MELK: variants seen among roughly 807,000 people sequenced by gnomAD.
MELK encodes pEg3 kinase.
MELK carries 81 observed loss-of-function variants against 85.0 expected under a neutral mutation model. That is an observed-to-expected ratio of 0.95 (90% CI 0.80 to 1.15). The LOEUF is 1.15. Among genes scored for constraint, MELK ranks in the 50% most tolerant of loss-of-function variants. The pLI, the probability that MELK is intolerant of heterozygous loss-of-function variation, is 0.00. For synonymous variants in MELK, 252 were observed against 265.0 expected (o/e 0.95, Z 0.48); for missense variants, 754 against 777.5 (o/e 0.97, Z 0.36).
chr9:36,668,856 G>T (rs1832630781), intron 14 of MELK, among the ~76,000 whole-genome samples: 2 of 151,928 alleles, frequency 1.3e-5, no homozygotes, highest in African/African-American at 4.8e-5. Context: ...CTTTCACAGG[G>T]GTCTGTTCTT....
At chr9:36,627,583 A>G (rs1051574994) in intron 8 of MELK, among the ~76,000 whole-genome samples, 22 of 147,888 alleles carry the variant, frequency 1.5e-4, no homozygotes, top group Non-Finnish European at 3.3e-4. Context: ...CTGGAGTGCA[A>G]TGGCGCGATC....
intron 10 of MELK, among the ~76,000 whole-genome samples, chr9:36,635,014 G>A (rs890272237): frequency 1.3e-5 from 2 of 152,066 alleles, no homozygotes; most frequent in African/African-American, 2.4e-5. Flanking sequence ...GCTTTTCCTC[G>A]AGACAGCTAT....
chr9:36,633,275 A>T (rs1438724070), intron 10 of MELK, 75 bp downstream of exon 10: 2 of 994,562 alleles, frequency 2.0e-6, no homozygotes, highest in African/African-American at 1.6e-5. Flanking sequence ...ACCTACAATG[A>T]TGTGGTCTAA....
At chr9:36,647,151 G>A (rs1457496694) in intron 11 of MELK, among the ~76,000 whole-genome samples, 1 of 152,190 alleles carries the variant, frequency 6.6e-6, no homozygotes, top group Non-Finnish European at 1.5e-5. Flanking sequence ...GGGAAAAGGA[G>A]GGTTTAGAGG....
At chr9:36,636,790 G>GTCTGTCTGTCTGTCTGTCTGTCTGTCTT (rs1475022442) in intron 10 of MELK, among the ~76,000 whole-genome samples, 34 of 67,618 alleles carry the variant, frequency 5.0e-4, no homozygotes, top group Admixed American at 1.1e-3. Flanking sequence ...CTTTCTGTCT[G>GTCTGTCTGTCTGTCTGTCTGTCTGTCTT]TCTTTCTTTC....
chr9:36,626,759 A>G (rs988964922), intron 8 of MELK, among the ~76,000 whole-genome samples: 2 of 151,970 alleles, frequency 1.3e-5, no homozygotes, highest in Non-Finnish European at 2.9e-5. Flanking sequence ...GTAGTTCGAG[A>G]TCAGCCTGAC....
chr9:36,662,373 A>G (rs1314882612), intron 13 of MELK, among the ~76,000 whole-genome samples: 1 of 151,652 alleles, frequency 6.6e-6, no homozygotes, highest in African/African-American at 2.4e-5. Flanking sequence ...CCTCCCAAGT[A>G]GCCGGGTTTA....
chr9:36,663,803 G>A (rs1202072757), intron 13 of MELK, among the ~76,000 whole-genome samples: 1 of 152,092 alleles, frequency 6.6e-6, no homozygotes, highest in Non-Finnish European at 1.5e-5. Flanking sequence ...ATGGACACTT[G>A]GGTTGATTTT....
intron 13 of MELK, among the ~76,000 whole-genome samples, chr9:36,663,269 CAG>C (rs898167629): frequency 1.3e-5 from 2 of 151,976 alleles, no homozygotes; most frequent in Non-Finnish European, 2.9e-5. Context: ...TTAGTAGAGA[CAG>C]AGTTTCACCA....
intron 10 of MELK, among the ~76,000 whole-genome samples, chr9:36,641,636 T>A (rs1209341383): frequency 6.7e-6 from 1 of 149,018 alleles, no homozygotes; most frequent in Admixed American, 6.7e-5. Context: ...AGATGGAGTT[T>A]CACTGTTGTT....
intron 11 of MELK, among the ~76,000 whole-genome samples, chr9:36,645,125 G>T (rs1395301911): frequency 6.6e-6 from 1 of 151,880 alleles, no homozygotes; most frequent in Admixed American, 6.6e-5. Flanking sequence ...GGGCGTGGTG[G>T]CACGTGCCTG....
intron 6 of MELK, 94 bp from the exon 7 acceptor site, chr9:36,599,300 C>CA (rs34715003): frequency 0.038 from 14,444 of 376,634 alleles, 177 homozygotes; most frequent in African/African-American, 0.083. Flanking sequence ...GACTCCGTCT[C>CA]AAAAAAAAAA....
At chr9:36,619,068 C>T (rs765494348) in intron 8 of MELK, among the ~76,000 whole-genome samples, 3 of 151,734 alleles carry the variant, frequency 2.0e-5, no homozygotes, top group Non-Finnish European at 4.4e-5. Flanking sequence ...AAGCAATTCT[C>T]CTGCCTCAGC....
At chr9:36,574,853 T>C (rs1266706638) in intron 1 of MELK, among the ~76,000 whole-genome samples, 4 of 151,998 alleles carry the variant, frequency 2.6e-5, no homozygotes, top group Non-Finnish European at 5.9e-5. Flanking sequence ...ACCCCAATTA[T>C]AGGCCGGGCG....
At chr9:36,670,368 G>A (rs1378557006) in intron 15 of MELK, among the ~76,000 whole-genome samples, 6 of 151,976 alleles carry the variant, frequency 3.9e-5, no homozygotes, top group African/African-American at 1.2e-4. Context: ...CTAATAAACA[G>A]CCATATGTAA....
rs937119174 is a variant in MELK at position 36,627,621 on chromosome 9, G to C, written c.667-2678G>C. Among the ~76,000 whole-genome samples, 4 of 148,910 alleles carry C rather than the reference G, an allele frequency of 2.7e-5. No homozygotes were observed. The Admixed American group carries it at 2.7e-4, about 10-fold the overall frequency. On this transcript the variant is annotated intron_variant, in intron 8 of 17. Coordinates refer to ENST00000298048, the MANE Select transcript of MELK (RefSeq NM_014791.4). Reference sequence around the variant, plus strand: ...GGCTCACTGCAACCTCTGCCTCTCTGGTTCCAGTGATTCTCCTGCCTCAGC... The same window carrying C: ...GGCTCACTGCAACCTCTGCCTCTCTCGTTCCAGTGATTCTCCTGCCTCAGC...
Position 36,657,293 on chromosome 9 carries a change from C to T in MELK, c.1106C>T (p.Ala369Val), listed in dbSNP as rs370552987. 57 of 1,613,260 alleles carry T rather than the reference C, an allele frequency of 3.5e-5. No individual in the cohort carries two copies. In the East Asian group the frequency reaches 4.2e-4, roughly 12 times the overall value. ...ACCGCAAGTGATAAAAATTATGTGG[C>T]GGGATTAATAGACTATGATTGGTGT... ...DVTASDKNYV[A>V]GLIDYDWCED... The change falls in exon 13 of 18, where the codon GCG (alanine) becomes GTG (valine). Residue 369 changes from alanine to valine, a missense_variant. By Grantham distance (64) the Ala-to-Val change is moderately conservative. Transcript: ENST00000298048.
intron 11 of MELK, among the ~76,000 whole-genome samples, chr9:36,648,583 T>G (rs1830427977): frequency 6.6e-6 from 1 of 152,230 alleles, no homozygotes; most frequent in Admixed American, 6.5e-5. Flanking sequence ...AGTCTTCATA[T>G]TGAACAGTGC....
chr9:36,605,157 T>A (rs1825366011), intron 7 of MELK, among the ~76,000 whole-genome samples: 1 of 152,020 alleles, frequency 6.6e-6, no homozygotes, highest in African/African-American at 2.4e-5. Context: ...TCCCAAAGTG[T>A]GGATTACAGG....
Sources: gnomAD v4.1 joint callset for allele counts (sites outside exome capture counted in the v4.1 genomes callset) on GRCh38, gnomAD v4.1.1 for gene constraint, MANE v1.5 for transcripts, NCBI Gene and HGNC (gene_info 2026-07-23, HGNC 2026-07-21) for gene names.